The following CEP290 variants were observed in gnomAD, a reference collection of about 807,000 sequenced individuals.
CEP290 encodes centrosomal protein 290.
A neutral mutation model predicts 344.9 loss-of-function variants in CEP290; 317 were observed. The ratio of observed to expected loss-of-function variants is 0.92; its 90% CI spans 0.84 to 1.01. The LOEUF (loss-of-function observed/expected upper bound fraction) is 1.01, where lower values mean the gene tolerates loss of function less well. CEP290 is among the 50% of genes least tolerant of loss of function. CEP290 has a pLI of 0.00. For missense variants in CEP290, 2,754 were observed against 2,761.4 expected (o/e 1.00, Z 0.06); for synonymous variants, 932 against 895.8 (o/e 1.04, Z -0.72).
At chr12:88,076,954 A>G (rs1442585705) in intron 41 of CEP290, among the ~76,000 whole-genome samples, 1 of 152,080 alleles carries the variant, frequency 6.6e-6, no homozygotes, top group East Asian at 1.9e-4. Context: ...AGGTACTCTA[A>G]TGTCAGAAAG....
chr12:88,088,426 T>C (rs976999296), intron 31 of CEP290, among the ~76,000 whole-genome samples: 1 of 152,168 alleles, frequency 6.6e-6, no homozygotes, highest in African/African-American at 2.4e-5. Flanking sequence ...AACTGATAAC[T>C]ACTACAATGT....
intron 44 of CEP290, among the ~76,000 whole-genome samples, chr12:88,068,090 A>G (rs1433145107): frequency 6.6e-6 from 1 of 152,172 alleles, no homozygotes; most frequent in Non-Finnish European, 1.5e-5. Flanking sequence ...AAAAAGAAAC[A>G]AAAATAATAC....
intron 37 of CEP290, among the ~76,000 whole-genome samples, chr12:88,081,733 C>T (rs1195577893): frequency 6.6e-6 from 1 of 152,090 alleles, no homozygotes; most frequent in Non-Finnish European, 1.5e-5. Flanking sequence ...AGGTACACAA[C>T]AATAACTTCA....
intron 1 of CEP290, 25 bp downstream of exon 1, chr12:88,141,875 A>C (rs1175103667): frequency 6.6e-6 from 1 of 152,346 alleles, no homozygotes; most frequent in Non-Finnish European, 1.5e-5. Flanking sequence ...TGACTCGCTA[A>C]TCCTGCTTAC....
intron 47 of CEP290, among the ~76,000 whole-genome samples, chr12:88,060,335 G>A (rs776112475): frequency 4.6e-5 from 7 of 152,168 alleles, no homozygotes; most frequent in South Asian, 2.1e-4. Context: ...CGCAGTGGGC[G>A]GATCACGAGG....
In CEP290 at chr12:88,066,505, C is replaced by A. The variant is rs544799284; in HGVS notation, c.6135+2017G>T. On this transcript the variant is annotated intron_variant, in intron 44 of 53. Coordinates refer to ENST00000552810, the MANE Select transcript of CEP290 (RefSeq NM_025114.4). ...TTTTTTTTTCTGGTAGAGATGGGGT[C>A]TCTCAAGGCTGGTCTTTGACTCCTG... Among the ~76,000 whole-genome samples, 3 of 148,658 alleles carry A rather than the reference C, an allele frequency of 2.0e-5. No homozygotes were observed. In the South Asian group the frequency reaches 6.4e-4, roughly 32 times the overall value.
Position 88,126,417 on chromosome 12 carries a change from C to A in CEP290, c.964G>T (p.Asp322Tyr). 6.6e-7 allele frequency: 1 copy of A among 1,509,584 alleles called. No individual in the cohort carries two copies. The allele number at this position is 1,509,584 out of a possible 1,614,324, so 93.5% of individuals were successfully genotyped here. A position where few individuals can be genotyped will look rare whatever the true frequency, so the allele number is the denominator to read the frequency against. Residue 322 changes from aspartate to tyrosine, a missense_variant, in exon 12 of 54, where the codon GAT becomes TAT. Asp to Tyr is a radical substitution (Grantham distance 160, BLOSUM62 -3). Coordinates refer to ENST00000552810, the MANE Select transcript of CEP290 (RefSeq NM_025114.4). ...EWKLILSSKD[D>Y]EIIEYQQMLH... is the part of the protein sequence containing the mutation. Reference sequence around the variant, plus strand: ...ATTTGCTGATACTCAATAATTTCATCATCTTTAGAAGACAAAATTAGCTAG... The same window carrying A: ...ATTTGCTGATACTCAATAATTTCATAATCTTTAGAAGACAAAATTAGCTAG...
rs529645974 is a variant in CEP290, at chr12:88,129,982, G to T, written c.670-106C>A. 259 of 758,536 alleles carry T rather than the reference G, an allele frequency of 3.4e-4. No individual in the cohort carries two copies. The Middle Eastern group carries it at 3.5e-3, about 10-fold the overall frequency. The allele number at this position is 758,536 out of a possible 1,614,324, so 47.0% of individuals were successfully genotyped here. A position where few individuals can be genotyped will look rare whatever the true frequency, so the allele number is the denominator to read the frequency against. ...CATAAGTGTCCTCTAGAAAAAAAGAGAATTCTTTATAGACCTTTACTAATT... is the reference window on the plus strand; with the variant it reads ...CATAAGTGTCCTCTAGAAAAAAAGATAATTCTTTATAGACCTTTACTAATT... On this transcript the variant is annotated intron_variant, in intron 9 of 53. Transcript: ENST00000552810.
rs771636035 is a variant in CEP290, at chr12:88,118,543, C to A, written c.1651G>T (p.Asp551Tyr). The A allele has an allele frequency of 7.0e-6, 11 of 1,582,224 alleles. No individual in the cohort carries two copies. The South Asian group carries it at 1.3e-4, about 18-fold the overall frequency. ...ATTTGACGAATTTTTTTTTTCAGAT[C>A]AAGTCGTTCTTCCTCTAGACTTTCA... ...EIESLEEERL[D>Y]LKKKIRQMAQ... The change falls in exon 17 of 54, where the codon GAT (aspartate) becomes TAT (tyrosine). Residue 551 changes from aspartate to tyrosine, a missense_variant. Physicochemically the swap from Asp to Tyr is radical, Grantham distance 160. Transcript: ENST00000552810.
intron 28 of CEP290, 177 bp downstream of exon 28, chr12:88,093,593 C>A: frequency 1.9e-6 from 1 of 517,590 alleles, no homozygotes; most frequent in Non-Finnish European, 3.4e-6. Context: ...ACAGAAATAT[C>A]TGCTTTCCTT....
At position 88,120,319 on chromosome 12, in the gene CEP290, T is replaced by G. The variant is rs956760987; in HGVS notation, c.1360-43A>C. On this transcript the variant is annotated intron_variant, in intron 14 of 53. Coordinates refer to ENST00000552810, the MANE Select transcript of CEP290 (RefSeq NM_025114.4). ...TAATTTAAAATATAACATGGTTTAC[T>G]TGAATAAATTTATCAAGTTCATGAT... The G allele has an allele frequency of 3.0e-6, 3 of 998,354 alleles. No individual in the cohort carries two copies. In the African/African-American group the frequency reaches 5.1e-5, roughly 17 times the overall value. The allele number at this position is 998,354 out of a possible 1,614,324, so 61.8% of individuals were successfully genotyped here.
chr12:88,127,227 C>G (rs962029871), intron 11 of CEP290, among the ~76,000 whole-genome samples: 1 of 152,146 alleles, frequency 6.6e-6, no homozygotes, highest in East Asian at 1.9e-4. Context: ...CAGAGTCACA[C>G]CTGTAATTCC....
chr12:88,129,947 T>A, intron 9 of CEP290, 71 bp from the exon 10 acceptor site: 1 of 998,732 alleles, frequency 1.0e-6, no homozygotes, highest in Non-Finnish European at 1.4e-6. Flanking sequence ...AAATTAAAAT[T>A]AAACGCAGCC....
At chr12:88,113,817 A>G (rs1163984187) in intron 20 of CEP290, among the ~76,000 whole-genome samples, 1 of 151,858 alleles carries the variant, frequency 6.6e-6, no homozygotes, top group East Asian at 1.9e-4. Context: ...GAATAAAGCC[A>G]TTTCATAATA....
chr12:88,093,866 C>T lies in CEP290; in HGVS notation c.3213G>A (p.Gln1071=). 6.2e-7 allele frequency: 1 copy of T among 1,612,892 alleles called. No individual in the cohort carries two copies. The highest frequency in any genetic ancestry group is 8.5e-7 in the Non-Finnish European group (1 of 1,179,326). Residue 1071 remains glutamine, a synonymous_variant, in exon 28 of 54, where the codon CAG becomes CAA. Transcript: ENST00000552810. ...ACATTTTTTGACAATGTTCAGCCCGCTGCCTTTCATTTAATTCCTTCATTT... is the reference window on the plus strand; with the variant it reads ...ACATTTTTTGACAATGTTCAGCCCGTTGCCTTTCATTTAATTCCTTCATTT... The part of the protein sequence containing the change: ...MLEMKELNER[Q]RAEHCQKMYE...
At position 88,130,280 on chromosome 12, in the gene CEP290, A is replaced by T; in HGVS notation, c.657T>A (p.Leu219=). The change falls in exon 9 of 54, where the codon CTT becomes CTA. Residue 219 remains leucine (L), a synonymous_variant. Coordinates refer to ENST00000552810, the MANE Select transcript of CEP290 (RefSeq NM_025114.4). ...CTAGCCATTTTACCTGAATTTCATCAAGATATTGGATAAGCTCATAGTTTT... is the reference window on the plus strand; with the variant it reads ...CTAGCCATTTTACCTGAATTTCATCTAGATATTGGATAAGCTCATAGTTTT... ...SKKNYELIQY[L]DEIQTLTEAN... 1 of 1,599,612 alleles carries T rather than the reference A, an allele frequency of 6.3e-7. No individual in the cohort carries two copies. Among genetic ancestry groups the T allele is most frequent in the South Asian group, 1.1e-5 (1 of 86,974 alleles).
rs553872153 is a variant in CEP290 at position 88,054,237 on chromosome 12, C to T, written c.7034+103G>A. On this transcript the variant is annotated intron_variant, in intron 51 of 53. Transcript: ENST00000552810. The stretch of plus-strand genomic sequence containing the variant: ...TAATAAGCCTGTTAGGCAGTAAAGT[C>T]GAAAAATGCTTGTCTCTAGTTGTAG... The T allele has an allele frequency of 9.2e-5, 68 of 739,488 alleles. 1 individual carries two copies. The highest frequency in any genetic ancestry group is 2.2e-4 in the African/African-American group (12 of 54,902). The allele number at this position is 739,488 out of a possible 1,614,324, so 45.8% of individuals were successfully genotyped here.
chr12:88,057,387 T>A (rs959486384), intron 49 of CEP290, among the ~76,000 whole-genome samples: 12 of 152,142 alleles, frequency 7.9e-5, no homozygotes, highest in African/African-American at 2.4e-4. Flanking sequence ...ATAAATAGAT[T>A]TCAGAGTAAC....
chr12:88,052,150 AT>A (rs2033605202), intron 52 of CEP290, among the ~76,000 whole-genome samples: 1 of 152,248 alleles, frequency 6.6e-6, no homozygotes, highest in Non-Finnish European at 1.5e-5. Flanking sequence ...TTTATTACAA[AT>A]TAGTAATAGG....
Sources: gnomAD v4.1 joint callset for allele counts (sites outside exome capture counted in the v4.1 genomes callset) on GRCh38, gnomAD v4.1.1 for gene constraint, MANE v1.5 for transcripts, NCBI Gene and HGNC (gene_info 2026-07-23, HGNC 2026-07-21) for gene names.